CPQ: variants seen among roughly 807,000 people sequenced by gnomAD.
CPQ encodes the protein carboxypeptidase Q, also known as Ser-Met dipeptidase.
In CPQ, 37 loss-of-function variants were observed where a neutral mutation model predicts 45.7. The ratio of observed to expected loss-of-function variants is 0.81; its 90% CI spans 0.62 to 1.07. The LOEUF is 1.07. CPQ is among the 50% of genes least tolerant of loss of function. CPQ has a pLI of 0.00. For synonymous variants in CPQ, 186 were observed against 205.8 expected, an observed-to-expected ratio of 0.90 and a Z score of 0.82; for missense variants, 537 against 572.9, an observed-to-expected ratio of 0.94 and a Z score of 0.64.
chr8:96,886,694 C>G (rs1812311140), intron 4 of CPQ, among the ~76,000 whole-genome samples: 2 of 152,114 alleles, frequency 1.3e-5, no homozygotes, highest in South Asian at 4.1e-4. Flanking sequence ...TTCTGGACTC[C>G]CATTTCTTTT....
intron 4 of CPQ, among the ~76,000 whole-genome samples, chr8:96,897,906 A>C (rs142332958): frequency 1.3e-5 from 2 of 152,332 alleles, no homozygotes; most frequent in African/African-American, 4.8e-5. Context: ...ACCATGCCGA[A>C]GAAGAGGAGG....
chr8:96,894,239 C>T (rs773571021), intron 4 of CPQ, among the ~76,000 whole-genome samples: 1 of 152,192 alleles, frequency 6.6e-6, no homozygotes, highest in African/African-American at 2.4e-5. Context: ...CAGAACCACC[C>T]AGCTATGCCA....
At chr8:96,848,448 G>A (rs1811728460) in intron 3 of CPQ, among the ~76,000 whole-genome samples, 1 of 152,134 alleles carries the variant, frequency 6.6e-6, no homozygotes, top group Non-Finnish European at 1.5e-5. Flanking sequence ...ATCTTGTTTT[G>A]ATTAAATAAC....
At chr8:97,060,708 G>GA (rs1810536198) in intron 6 of CPQ, among the ~76,000 whole-genome samples, 2 of 152,132 alleles carry the variant, frequency 1.3e-5, no homozygotes, top group African/African-American at 4.8e-5. Context: ...ACAAGAGGAT[G>GA]AATATCTTGT....
chr8:96,694,976 T>A (rs946758213), intron 1 of CPQ, among the ~76,000 whole-genome samples: 1 of 152,026 alleles, frequency 6.6e-6, no homozygotes, highest in African/African-American at 2.4e-5. Context: ...GAGCCCGCAT[T>A]GCCAAGTCAA....
chr8:96,795,025 T>G (rs979431199), intron 2 of CPQ, among the ~76,000 whole-genome samples: 1 of 152,200 alleles, frequency 6.6e-6, no homozygotes, highest in African/African-American at 2.4e-5. Context: ...CCCTTCATAC[T>G]ATTCCAACCT....
chr8:97,086,652 G>A lies in CPQ; in HGVS notation c.1255+20442G>A, dbSNP rs112482916. Among the ~76,000 whole-genome samples the A allele has an allele frequency of 4.5e-3, 687 of 152,140 alleles. 6 individuals are homozygous for A. Among genetic ancestry groups the A allele is most frequent in the African/African-American group, 0.016 (662 of 41,490 alleles). ...CTCACACACAGAAAACCACTTGGGG[G>A]CTGACTTACCTGGATTTGTGTCTAA... is the stretch of plus-strand genomic sequence containing the variant. On this transcript the variant is annotated intron_variant, in intron 7 of 7. Transcript: ENST00000220763.
At chr8:96,981,828 A>G (rs1170211871) in intron 5 of CPQ, among the ~76,000 whole-genome samples, 1 of 152,214 alleles carries the variant, frequency 6.6e-6, no homozygotes, top group Non-Finnish European at 1.5e-5. Flanking sequence ...TTTACCTCCT[A>G]TGTGACAGTT....
intron 1 of CPQ, among the ~76,000 whole-genome samples, chr8:96,678,923 G>A (rs112225222): frequency 0.024 from 3,679 of 151,900 alleles, 162 homozygotes; most frequent in African/African-American, 0.084. Flanking sequence ...TTAGTTTACT[G>A]TGACCCCGTT....
intron 3 of CPQ, among the ~76,000 whole-genome samples, chr8:96,869,658 GTC>G (rs1375147381): frequency 6.6e-6 from 1 of 152,052 alleles, no homozygotes; most frequent in African/African-American, 2.4e-5. Flanking sequence ...AAGTCTTGAA[GTC>G]TCCAGCACTC....
chr8:96,845,413 T>C (rs926812505), intron 3 of CPQ, among the ~76,000 whole-genome samples: 3 of 152,232 alleles, frequency 2.0e-5, no homozygotes, highest in African/African-American at 7.2e-5. Flanking sequence ...TAAATAACTA[T>C]TTTAAAAATC....
At chr8:96,742,003 G>C (rs1177823131) in intron 1 of CPQ, among the ~76,000 whole-genome samples, 69 of 144,946 alleles carry the variant, frequency 4.8e-4, no homozygotes, top group African/African-American at 1.8e-3. Flanking sequence ...GCTTGGTGCA[G>C]AGCTGAGTTC....
intron 1 of CPQ, among the ~76,000 whole-genome samples, chr8:96,730,422 A>G (rs1028840068): frequency 6.6e-6 from 1 of 152,138 alleles, no homozygotes; most frequent in Admixed American, 6.5e-5. Context: ...TATTTGGGAT[A>G]AACAACTGCA....
intron 4 of CPQ, among the ~76,000 whole-genome samples, chr8:96,932,935 T>G (rs10102611): frequency 0.08 from 12,168 of 152,210 alleles, 945 homozygotes; most frequent in African/African-American, 0.21. Flanking sequence ...AATAAGGAAT[T>G]AAGTTCTTTC....
intron 2 of CPQ, among the ~76,000 whole-genome samples, chr8:96,818,192 A>G (rs2130834556): frequency 6.6e-6 from 1 of 151,952 alleles, no homozygotes; most frequent in Middle Eastern, 3.4e-3. Context: ...CATGTACTGC[A>G]CCCATATAAG....
At chr8:96,702,318 C>T (rs113471940) in intron 1 of CPQ, among the ~76,000 whole-genome samples, 3,674 of 152,082 alleles carry the variant, frequency 0.024, 164 homozygotes, top group African/African-American at 0.084. Flanking sequence ...TCCAATATCC[C>T]GTGTGGGCCT....
chr8:96,732,708 T>C (rs1809927919), intron 1 of CPQ, among the ~76,000 whole-genome samples: 1 of 152,144 alleles, frequency 6.6e-6, no homozygotes, highest in South Asian at 2.1e-4. Flanking sequence ...ACACAATTTC[T>C]GGCCACATTG....
At chr8:97,126,068 G>A (rs1264173211) in intron 7 of CPQ, among the ~76,000 whole-genome samples, 2 of 152,094 alleles carry the variant, frequency 1.3e-5, no homozygotes, top group Non-Finnish European at 1.5e-5. Flanking sequence ...TGTGTATTCA[G>A]GGAGGTAAAG....
intron 3 of CPQ, among the ~76,000 whole-genome samples, chr8:96,856,416 G>C (rs1004444160): frequency 6.6e-6 from 1 of 152,198 alleles, no homozygotes; most frequent in African/African-American, 2.4e-5. Context: ...ACTCAAGAGT[G>C]ACTGCTAGGT....
Sources: allele counts gnomAD v4.1 joint callset (sites outside exome capture counted in the v4.1 genomes callset), GRCh38; gene constraint gnomAD v4.1.1; transcripts MANE v1.5; gene names NCBI Gene and HGNC (gene_info 2026-07-23, HGNC 2026-07-21).